Variants in LMTK2 observed in about 807,000 individuals in gnomAD.
LMTK2 encodes lemur tail kinase 2, also known as serine/threonine-protein kinase LMTK2.
In LMTK2, 37 loss-of-function variants were observed where a neutral mutation model predicts 127.5. The observed-to-expected ratio is 0.29, with a 90% CI of 0.22 to 0.38. LMTK2 has a LOEUF of 0.38. Ranked by LOEUF, LMTK2 falls within the 10% of genes least tolerant of loss-of-function variation. The pLI is 1.00. For missense variants in LMTK2, 1,694 were observed against 1,920.3 expected, an observed-to-expected ratio of 0.88 and a Z score of 2.20; for synonymous variants, 819 against 810.1, an observed-to-expected ratio of 1.01 and a Z score of -0.19.
intron 7 of LMTK2, among the ~76,000 whole-genome samples, chr7:98,184,465 C>T (rs527566538): frequency 6.6e-6 from 1 of 152,236 alleles, no homozygotes; most frequent in South Asian, 2.1e-4. Context: ...TGTGGGGGTG[C>T]TCTCCTGCCC....
chr7:98,128,226 C>T (rs1030442307), intron 1 of LMTK2, among the ~76,000 whole-genome samples: 1 of 152,172 alleles, frequency 6.6e-6, no homozygotes, highest in Admixed American at 6.5e-5. Flanking sequence ...GAGTTTTACC[C>T]CTCCATGTAC....
intron 5 of LMTK2, among the ~76,000 whole-genome samples, chr7:98,158,388 GCTC>G (rs1796960713): frequency 6.6e-6 from 1 of 152,134 alleles, no homozygotes; most frequent in Non-Finnish European, 1.5e-5. Context: ...AATACTCCCG[GCTC>G]AGCTTCCCGA....
chr7:98,182,052 C>T (rs1797363917), intron 7 of LMTK2, among the ~76,000 whole-genome samples: 1 of 151,960 alleles, frequency 6.6e-6, no homozygotes, highest in South Asian at 2.1e-4. Context: ...TATCCACATG[C>T]AAAAAATGAA....
chr7:98,122,644 TAATA>T (rs1022422079), intron 1 of LMTK2, among the ~76,000 whole-genome samples: 4 of 151,902 alleles, frequency 2.6e-5, no homozygotes, highest in Admixed American at 6.6e-5. Context: ...TCAGCTTATA[TAATA>T]AATAACAGTT....
intron 1 of LMTK2, among the ~76,000 whole-genome samples, chr7:98,115,431 A>C (rs116921804): frequency 1.5e-4 from 23 of 152,074 alleles, no homozygotes; most frequent in Non-Finnish European, 2.9e-4. Flanking sequence ...AAAAGAAAGA[A>C]GAAAGAAAGA....
intron 7 of LMTK2, among the ~76,000 whole-genome samples, chr7:98,177,136 G>A (rs1344769276): frequency 6.6e-6 from 1 of 152,108 alleles, no homozygotes; most frequent in African/African-American, 2.4e-5. Context: ...TGGATGTTTA[G>A]AAAAACCAAG....
chr7:98,196,220 T>A (rs1797620420), intron 11 of LMTK2, among the ~76,000 whole-genome samples: 1 of 150,162 alleles, frequency 6.7e-6, no homozygotes, highest in Non-Finnish European at 1.5e-5. Flanking sequence ...CCTCCTGAGC[T>A]CAGCCTGACC....
intron 9 of LMTK2, among the ~76,000 whole-genome samples, chr7:98,188,023 G>C (rs749350752): frequency 1.3e-5 from 2 of 152,070 alleles, no homozygotes; most frequent in African/African-American, 2.4e-5. Flanking sequence ...GCCGCTCTTA[G>C]AGCTGTTTGA....
chr7:98,198,305 C>T (rs949225968), intron 11 of LMTK2, among the ~76,000 whole-genome samples: 19 of 152,066 alleles, frequency 1.2e-4, no homozygotes, highest in Non-Finnish European at 2.6e-4. Context: ...ATTCTCCTGC[C>T]TCCACCTCCT....
chr7:98,137,222 C>T (rs561157482), intron 1 of LMTK2, 93 bp from the exon 2 acceptor site: 1,303 of 1,187,394 alleles, frequency 1.1e-3, no homozygotes, highest in Non-Finnish European at 1.2e-3. Context: ...AACCCTTACA[C>T]CCATTTGTAT....
chr7:98,133,789 C>G (rs970287443), intron 1 of LMTK2, among the ~76,000 whole-genome samples: 2 of 152,132 alleles, frequency 1.3e-5, no homozygotes, highest in African/African-American at 4.8e-5. Flanking sequence ...TTATACTCTT[C>G]ATACCTATCT....
chr7:98,205,548 T>C lies in LMTK2; in HGVS notation c.*56T>C. 2 of 1,589,070 alleles carry C rather than the reference T, an allele frequency of 1.3e-6. No individual in the cohort carries two copies. On this transcript the variant is annotated 3_prime_UTR_variant, in exon 14 of 14. Transcript: ENST00000297293. The stretch of plus-strand genomic sequence containing the variant: ...GGCTGCTCCCCTGGAGCGGCGCCCC[T>C]GCGCCCTCAGCCCGAGCAGCGACAT...
Position 98,204,206 on chromosome 7 carries a change from G to A in LMTK2, c.4483+20G>A. 1.3e-6 allele frequency: 2 copies of A among 1,589,604 alleles called. No homozygotes were observed. The highest frequency in any genetic ancestry group is 1.7e-6 in the Non-Finnish European group (2 of 1,168,432). ...AGGGCGGTGAGAGGCGCTGCGTGCTGGGGATTGGGAGTGCAGGGTCGGGGG... is the reference window on the plus strand; with the variant it reads ...AGGGCGGTGAGAGGCGCTGCGTGCTAGGGATTGGGAGTGCAGGGTCGGGGG... On this transcript the variant is annotated intron_variant, in intron 13 of 13. Transcript: ENST00000297293.
At chr7:98,119,150 C>T (rs1027563917) in intron 1 of LMTK2, among the ~76,000 whole-genome samples, 3 of 150,654 alleles carry the variant, frequency 2.0e-5, no homozygotes, top group African/African-American at 7.3e-5. Context: ...CCAGCTGAAT[C>T]AAAATGCTGA....
At chr7:98,200,807 AT>A (rs2116479790) in intron 11 of LMTK2, among the ~76,000 whole-genome samples, 1 of 152,080 alleles carries the variant, frequency 6.6e-6, no homozygotes, top group South Asian at 2.1e-4. Flanking sequence ...GTTATACTGT[AT>A]TATTTATTTT....
intron 1 of LMTK2, among the ~76,000 whole-genome samples, chr7:98,114,265 G>A (rs1476285141): frequency 6.9e-6 from 1 of 145,694 alleles, no homozygotes; most frequent in African/African-American, 2.5e-5. Context: ...TTTTGAGACA[G>A]GGTCTTGTTC....
chr7:98,119,992 A>T (rs919220768), intron 1 of LMTK2, among the ~76,000 whole-genome samples: 2 of 151,774 alleles, frequency 1.3e-5, no homozygotes, highest in Non-Finnish European at 2.9e-5. Context: ...TTATATTTTG[A>T]TATATTTGCT....
chr7:98,183,725 G>C (rs1797387607), intron 7 of LMTK2, among the ~76,000 whole-genome samples: 2 of 152,130 alleles, frequency 1.3e-5, no homozygotes, highest in African/African-American at 4.8e-5. Context: ...AGTAGAAACA[G>C]GATTTTGCCG....
intron 1 of LMTK2, among the ~76,000 whole-genome samples, chr7:98,117,581 A>G (rs1796304517): frequency 6.6e-6 from 1 of 151,954 alleles, no homozygotes; most frequent in South Asian, 2.1e-4. Flanking sequence ...TCAAGAAGCT[A>G]CAGGTTCATC....
Sources: gnomAD v4.1 joint callset for allele counts (sites outside exome capture counted in the v4.1 genomes callset) on GRCh38, gnomAD v4.1.1 for gene constraint, MANE v1.5 for transcripts, NCBI Gene and HGNC (gene_info 2026-07-23, HGNC 2026-07-21) for gene names.